SS18L1: variants seen among roughly 807,000 people sequenced by gnomAD.
SS18L1 encodes the protein SS18L1 subunit of BAF chromatin remodeling complex, also known as calcium-responsive transactivator.
A neutral mutation model predicts 70.3 loss-of-function variants in SS18L1; 32 were observed. That is an observed-to-expected ratio of 0.46 (90% confidence interval 0.34 to 0.61). SS18L1 has a LOEUF of 0.61. Ranked by LOEUF, SS18L1 falls within the 20% of genes least tolerant of loss-of-function variation. SS18L1 has a pLI of 0.01. For synonymous variants in SS18L1, 237 were observed against 229.7 expected (o/e 1.03, Z -0.29); for missense variants, 430 against 542.1 (o/e 0.79, Z 2.05).
At chr20:62,175,320 G>A (rs764820290) in intron 10 of SS18L1, 13 of 985,334 alleles carry the variant, frequency 1.3e-5, no homozygotes, top group East Asian at 1.1e-4. Flanking sequence ...ACAGGTGGGC[G>A]TAGGGGCCTC....
At chr20:62,146,085 T>TA (rs1360287056) in intron 1 of SS18L1, among the ~76,000 whole-genome samples, 1 of 152,164 alleles carries the variant, frequency 6.6e-6, no homozygotes, top group Non-Finnish European at 1.5e-5. Context: ...AACTTGTCCT[T>TA]ACAGCATTCT....
In SS18L1 at chr20:62,174,664, C is replaced by T. The variant is rs755411741; in HGVS notation, c.1164+20C>T. ...GAACAGGCAAGCTTTCTGGATGTTT[C>T]CAGATGTGCCCATCCGCCGCGCCTG... is the stretch of plus-strand genomic sequence containing the variant. On this transcript the variant is annotated intron_variant, in intron 10 of 10. Transcript: ENST00000331758. The surrounding 1 kb of genome is among the most constrained non-coding windows in gnomAD (Gnocchi z 4.1). 1 of 1,613,244 alleles carries T rather than the reference C, an allele frequency of 6.2e-7. No homozygotes were observed. The highest frequency in any genetic ancestry group is 8.5e-7 in the Non-Finnish European group (1 of 1,179,996).
chr20:62,149,876 T>C (rs1413576354), intron 1 of SS18L1, among the ~76,000 whole-genome samples: 7 of 152,200 alleles, frequency 4.6e-5, no homozygotes, highest in Non-Finnish European at 8.8e-5. Flanking sequence ...ATGGATGAGA[T>C]GCATACAGAC....
chr20:62,181,859 A>G lies in SS18L1; in HGVS notation c.*2651A>G, dbSNP rs1043905910. 6.1e-5 allele frequency: 14 copies of G among 227,862 alleles called. No homozygotes were observed. Among genetic ancestry groups the G allele is most frequent in the Non-Finnish European group, 1.0e-4 (12 of 114,786 alleles). The allele number at this position is 227,862 out of a possible 1,614,324, so 14.1% of individuals were successfully genotyped here. On this transcript the variant is annotated 3_prime_UTR_variant, in exon 11 of 11. Transcript: ENST00000331758. ...GCTTTGTTTTTTTCTGACTACTTCT[A>G]TGGAAGGCCAGTGAAGAAGCAAAGG...
intron 8 of SS18L1, among the ~76,000 whole-genome samples, chr20:62,169,087 C>T (rs566612960): frequency 2.0e-4 from 30 of 152,242 alleles, no homozygotes; most frequent in African/African-American, 7.2e-4. Flanking sequence ...GGAGAGGGTG[C>T]GAGTCCCGCG....
In SS18L1 at chr20:62,146,605, A is replaced by ATTTTTTTTTTTTTTTTTT. The variant is rs10673768; in HGVS notation, c.69+2720_69+2737dup. Among the ~76,000 whole-genome samples, 182 of 79,714 alleles carry ATTTTTTTTTTTTTTTTTT rather than the reference A, an allele frequency of 2.3e-3. 29 individuals carry two copies. Among genetic ancestry groups the ATTTTTTTTTTTTTTTTTT allele is most frequent in the Non-Finnish European group, 2.5e-3 (112 of 45,232 alleles). 52.3% of individuals were successfully genotyped at this position (79,714 alleles called of 152,430 possible). On this transcript the variant is annotated intron_variant, in intron 1 of 10. Transcript: ENST00000331758. ...CATCCAGCGTGTCTCTGCTTTGATC[A>ATTTTTTTTTTTTTTTTTT]TTTTTTTTTTTTTTTTTTTTTGAGA... is the stretch of plus-strand genomic sequence containing the variant.
rs761367348 is a variant in SS18L1, at chr20:62,159,829, ACT to A, written c.147-45_147-44del. On this transcript the variant is annotated intron_variant, in intron 2 of 10. Coordinates refer to ENST00000331758, the MANE Select transcript of SS18L1 (RefSeq NM_198935.3). This position sits in a 1 kb window ranked among gnomAD's most constrained non-coding sequence, Gnocchi z 4.4. ...ACTTCTGCCTTGGATCCACGTGGGG[ACT>A]CTGTGGTCCCGTCGTCCTGCCTCAT... 1 of 1,576,696 alleles carries A rather than the reference ACT, an allele frequency of 6.3e-7. No homozygotes were observed. Among genetic ancestry groups the A allele is most frequent in the Admixed American group, 1.7e-5 (1 of 58,376 alleles).
chr20:62,178,956 C>T (rs571433363), intron 10 of SS18L1, among the ~76,000 whole-genome samples: 41 of 152,352 alleles, frequency 2.7e-4, no homozygotes, highest in African/African-American at 7.9e-4. Context: ...CCGGCCGCAG[C>T]GATGCCAGTG....
At position 62,163,504 on chromosome 20, in the gene SS18L1, G is replaced by A. The variant is rs76134758; in HGVS notation, c.603G>A (p.Ala201=). ...CGGCCACGTCGCACTACAGCTCGGCGCAGGGCGGCAGCCAGCACTACCAGG... is the reference window on the plus strand; with the variant it reads ...CGGCCACGTCGCACTACAGCTCGGCACAGGGCGGCAGCCAGCACTACCAGG... ...QQAATSHYSS[A]QGGSQHYQGQ... The change falls in exon 6 of 11, where the codon GCG becomes GCA. Residue 201 remains alanine (A), a synonymous_variant. Transcript: ENST00000331758. 64 of 1,612,068 alleles carry A rather than the reference G, an allele frequency of 4.0e-5. No homozygotes were observed. The highest frequency in any genetic ancestry group is 8.9e-5 in the East Asian group (4 of 44,864).
intron 1 of SS18L1, among the ~76,000 whole-genome samples, chr20:62,144,248 C>T (rs1355847979): frequency 1.3e-5 from 2 of 151,662 alleles, no homozygotes; most frequent in Admixed American, 6.6e-5. Context: ...TGGGCTATGC[C>T]GGGCGCACGG....
At chr20:62,150,728 G>A (rs1319042147) in intron 1 of SS18L1, among the ~76,000 whole-genome samples, 1 of 132,372 alleles carries the variant, frequency 7.6e-6, no homozygotes, top group African/African-American at 2.8e-5. Flanking sequence ...ATCACAGCTC[G>A]TGCAGCCTTG....
At chr20:62,173,695 G>A (rs2057571221) in intron 9 of SS18L1, among the ~76,000 whole-genome samples, 1 of 151,686 alleles carries the variant, frequency 6.6e-6, no homozygotes, top group South Asian at 2.1e-4. Context: ...GCGATAGAGT[G>A]AGACGACTCC....
rs2057585717 is a variant in SS18L1, at chr20:62,174,469, A to G, written c.1037-48A>G. 6.4e-7 allele frequency: 1 copy of G among 1,553,740 alleles called. No homozygotes were observed. Among genetic ancestry groups the G allele is most frequent in the East Asian group, 2.3e-5 (1 of 44,128 alleles). The stretch of plus-strand genomic sequence containing the variant: ...ATTTTTAAGTTAAGAAAAAAAAAGA[A>G]AGAGGTGTCCGTTTTGGCCGGCCTC... On this transcript the variant is annotated intron_variant, in intron 9 of 10. Transcript: ENST00000331758. This position sits in a 1 kb window ranked among gnomAD's most constrained non-coding sequence, Gnocchi z 4.1.
At chr20:62,145,318 A>G (rs1160806688) in intron 1 of SS18L1, among the ~76,000 whole-genome samples, 4 of 152,004 alleles carry the variant, frequency 2.6e-5, no homozygotes, top group Admixed American at 1.3e-4. Context: ...ACTGAGGCCT[A>G]GGGGGGCTAA....
chr20:62,150,139 A>C (rs899649616), intron 1 of SS18L1, among the ~76,000 whole-genome samples: 6 of 152,120 alleles, frequency 3.9e-5, no homozygotes, highest in Non-Finnish European at 7.4e-5. Flanking sequence ...AGCTCCTCTC[A>C]AGGAGACTGC....
chr20:62,165,089 C>G (rs768606623), intron 7 of SS18L1, among the ~76,000 whole-genome samples: 1 of 152,174 alleles, frequency 6.6e-6, no homozygotes, highest in Admixed American at 6.5e-5. Flanking sequence ...GTTGGACACC[C>G]CTGCCTGCGT....
In SS18L1 at chr20:62,161,552, C is replaced by T. The variant is rs2057330284; in HGVS notation, c.348C>T (p.Ser116=). The part of the protein sequence containing the change: ...SDAISTGLPP[S]SLLQGQIGNG... ...CCATCAGCACGGGCCTGCCACCCTC[C>T]TCCCTCCTGCAGGGCCAGATTGGCA... Residue 116 remains serine (S), a synonymous_variant, in exon 4 of 11, where the codon TCC becomes TCT. Coordinates refer to ENST00000331758, the MANE Select transcript of SS18L1 (RefSeq NM_198935.3). This position sits in a 1 kb window ranked among gnomAD's most constrained non-coding sequence, Gnocchi z 4.4. 2 of 1,611,302 alleles carry T rather than the reference C, an allele frequency of 1.2e-6. No individual in the cohort carries two copies. Among genetic ancestry groups the T allele is most frequent in the South Asian group, 2.2e-5 (2 of 91,068 alleles).
chr20:62,182,395 T>A lies in SS18L1; in HGVS notation c.*3187T>A, dbSNP rs1410087164. On this transcript the variant is annotated 3_prime_UTR_variant, in exon 11 of 11. Transcript: ENST00000331758. ...GTACAGTACATTTAAAAAACATCCTTATCGGTTATTTTTTTTTCAGTCGGA... is the reference window on the plus strand; with the variant it reads ...GTACAGTACATTTAAAAAACATCCTAATCGGTTATTTTTTTTTCAGTCGGA... 2 of 174,750 alleles carry A rather than the reference T, an allele frequency of 1.1e-5. No homozygotes were observed. The highest frequency in any genetic ancestry group is 2.3e-5 in the Non-Finnish European group (2 of 87,948). The allele number at this position is 174,750 out of a possible 1,614,324, so 10.8% of individuals were successfully genotyped here.
rs2057716177 is a variant in SS18L1, at chr20:62,181,899, G to T, written c.*2691G>T. The T allele has an allele frequency of 4.4e-6, 1 of 228,262 alleles. No individual in the cohort carries two copies. Among genetic ancestry groups the T allele is most frequent in the Non-Finnish European group, 8.7e-6 (1 of 115,134 alleles). 14.1% of individuals were successfully genotyped at this position (228,262 alleles called of 1,614,324 possible). On this transcript the variant is annotated 3_prime_UTR_variant, in exon 11 of 11. Coordinates refer to ENST00000331758, the MANE Select transcript of SS18L1 (RefSeq NM_198935.3). ...AGAAGCAAAGGAAGACATGAAAATT[G>T]ACGCTCATTCTTCTTCCTATTGTTC...
Sources: allele counts gnomAD v4.1 joint callset (sites outside exome capture counted in the v4.1 genomes callset), GRCh38; gene constraint gnomAD v4.1.1; non-coding constraint Gnocchi (gnomAD v3.1); transcripts MANE v1.5; gene names NCBI Gene and HGNC (gene_info 2026-07-23, HGNC 2026-07-21).